Variants in RAB18 observed in about 807,000 individuals in gnomAD.
RAB18 encodes the protein ras-related protein Rab-18.
A neutral mutation model predicts 28.5 loss-of-function variants in RAB18; 10 were observed. The observed-to-expected ratio is 0.35, with a 90% CI of 0.22 to 0.60. The LOEUF (loss-of-function observed/expected upper bound fraction) is 0.60. RAB18 is among the 20% of genes least tolerant of loss of function. The probability of loss-of-function intolerance (pLI) is 0.78; values close to 1 mark genes in which losing one functional copy is unlikely to be tolerated. For missense variants in RAB18, 188 were observed against 244.2 expected, an observed-to-expected ratio of 0.77 and a Z score of 1.53; for synonymous variants, 93 against 86.9, an observed-to-expected ratio of 1.07 and a Z score of -0.39.
intron 2 of RAB18, among the ~76,000 whole-genome samples, chr10:27,523,374 A>G (rs994671430): frequency 7.2e-6 from 1 of 138,480 alleles, no homozygotes; most frequent in Non-Finnish European, 1.5e-5. Flanking sequence ...TCTCAGATAT[A>G]TTTTCCCCCC....
chr10:27,532,825 T>A lies in RAB18; in HGVS notation c.259+246T>A, dbSNP rs187087583. On this transcript the variant is annotated intron_variant, in intron 4 of 6. Transcript: ENST00000356940. ...AAAACACATGTCAATGAGAACGTAA[T>A]TGAGGATTAATCAGCATATGTTGGA... is the stretch of plus-strand genomic sequence containing the variant. 2.6e-5 allele frequency among the ~76,000 whole-genome samples: 4 copies of A among 152,104 alleles called. No homozygotes were observed. In the South Asian group the frequency reaches 6.2e-4, roughly 24 times the overall value.
At chr10:27,532,740 CT>C (rs1306016671) in intron 4 of RAB18, among the ~76,000 whole-genome samples, 161 bp downstream of exon 4, 1 of 151,860 alleles carries the variant, frequency 6.6e-6, no homozygotes, top group Non-Finnish European at 1.5e-5. Context: ...AATATTAAAA[CT>C]TTTGATTTTA....
intron 2 of RAB18, 114 bp downstream of exon 2, chr10:27,510,044 G>A: frequency 1.2e-6 from 1 of 807,346 alleles, no homozygotes; most frequent in Non-Finnish European, 2.1e-6. Context: ...CATGTCTGTT[G>A]AAATCTTATT....
chr10:27,534,373 C>T (rs544005698), intron 6 of RAB18, among the ~76,000 whole-genome samples: 7 of 152,330 alleles, frequency 4.6e-5, no homozygotes, highest in African/African-American at 9.6e-5. Context: ...TTAGAATCTG[C>T]ATTTTAACAA....
At position 27,537,980 on chromosome 10, in the gene RAB18, G is replaced by C. The variant is rs748661537; in HGVS notation, c.550G>C (p.Gly184Arg). The C allele has an allele frequency of 1.2e-6, 2 of 1,613,998 alleles. No homozygotes were observed. Among genetic ancestry groups the C allele is most frequent in the South Asian group, 2.2e-5 (2 of 91,082 alleles). ...GTGGGAAAGTGAGAACCAGAATAAAGGAGTCAAACTGTCACACAGGGAAGA... is the reference window on the plus strand; with the variant it reads ...GTGGGAAAGTGAGAACCAGAATAAACGAGTCAAACTGTCACACAGGGAAGA... ...GLWESENQNK[G>R]VKLSHREEGQ... The change falls in exon 7 of 7, where the codon GGA becomes CGA. Residue 184 changes from glycine to arginine, a missense_variant. Gly to Arg is a moderately radical substitution (Grantham distance 125, BLOSUM62 -2). Transcript: ENST00000356940.
intron 2 of RAB18, among the ~76,000 whole-genome samples, chr10:27,524,191 A>G (rs1270190513): frequency 6.6e-6 from 1 of 152,176 alleles, no homozygotes; most frequent in Non-Finnish European, 1.5e-5. Flanking sequence ...TAGCCTCTCA[A>G]AGTGTTGGAA....
At position 27,510,259 on chromosome 10, in the gene RAB18, C is replaced by G. The variant is rs144266433; in HGVS notation, c.124+329C>G. ...CAGTTATTTGAATACTTATTGTATG[C>G]CAGGGACTGCTACTAAGAGGAGGGG... is the stretch of plus-strand genomic sequence containing the variant. On this transcript the variant is annotated intron_variant, in intron 2 of 6. Coordinates refer to ENST00000356940, the MANE Select transcript of RAB18 (RefSeq NM_021252.5). The G allele has an allele frequency of 4.4e-4, 151 of 346,664 alleles. 7 individuals are homozygous for G. In the East Asian group the frequency reaches 0.01, roughly 24 times the overall value. 21.5% of individuals were successfully genotyped at this position (346,664 alleles called of 1,614,324 possible).
intron 2 of RAB18, among the ~76,000 whole-genome samples, chr10:27,523,907 G>A (rs1002088836): frequency 2.6e-5 from 4 of 151,554 alleles, no homozygotes; most frequent in Non-Finnish European, 5.9e-5. Context: ...GTGAAACCTC[G>A]TCTTTACTAA....
intron 2 of RAB18, among the ~76,000 whole-genome samples, chr10:27,524,982 A>G (rs1032956977): frequency 4.6e-5 from 7 of 152,206 alleles, no homozygotes; most frequent in African/African-American, 1.7e-4. Flanking sequence ...TCTCCTGTGG[A>G]TGGGTATTGG....
In RAB18 at chr10:27,539,428, A is replaced by G. The variant is rs1207479728; in HGVS notation, c.*1377A>G. ...TACTTCATGTTGGGTTCTTTCTGAA[A>G]TGTACATCTTTACATATAAAAACCT... is the stretch of plus-strand genomic sequence containing the variant. On this transcript the variant is annotated 3_prime_UTR_variant, in exon 7 of 7. Transcript: ENST00000356940. The G allele has an allele frequency of 6.7e-6, 2 of 299,460 alleles. No individual in the cohort carries two copies. The highest frequency in any genetic ancestry group is 4.5e-5 in the African/African-American group (2 of 44,598). 18.6% of individuals were successfully genotyped at this position (299,460 alleles called of 1,614,324 possible). A position where few individuals can be genotyped will look rare whatever the true frequency, so the allele number is the denominator to read the frequency against.
chr10:27,516,231 A>G (rs915295049), intron 2 of RAB18, among the ~76,000 whole-genome samples: 8 of 152,156 alleles, frequency 5.3e-5, no homozygotes, highest in African/African-American at 1.9e-4. Context: ...GGATACTTTG[A>G]ATTTTCAGTT....
chr10:27,504,735 CGGA>C (rs1837769355), intron 1 of RAB18: 2 of 640,548 alleles, frequency 3.1e-6, no homozygotes, highest in Non-Finnish European at 5.9e-6. Context: ...GTTTGCTGCG[CGGA>C]GCTCAGGGCG....
intron 2 of RAB18, among the ~76,000 whole-genome samples, chr10:27,525,247 G>C (rs1304499901): frequency 2.0e-5 from 3 of 151,988 alleles, no homozygotes; most frequent in African/African-American, 7.3e-5. Flanking sequence ...CATGTATCTG[G>C]GATTATTAAG....
chr10:27,510,129 C>T, intron 2 of RAB18, 199 bp downstream of exon 2: 1 of 601,766 alleles, frequency 1.7e-6, no homozygotes, highest in Non-Finnish European at 3.0e-6. Context: ...AAAATAACTT[C>T]CTTATCTGTT....
intron 6 of RAB18, among the ~76,000 whole-genome samples, chr10:27,536,471 G>A (rs1834902580): frequency 6.6e-6 from 1 of 152,170 alleles, no homozygotes; most frequent in Non-Finnish European, 1.5e-5. Flanking sequence ...CTTGAGCCTG[G>A]GAGGCCAGGG....
intron 3 of RAB18, among the ~76,000 whole-genome samples, chr10:27,531,173 T>A (rs1320982424): frequency 6.6e-6 from 1 of 151,978 alleles, no homozygotes; most frequent in African/African-American, 2.4e-5. Flanking sequence ...CATGGCAGGG[T>A]GGGGATTAGT....
At chr10:27,525,928 A>G (rs547739265) in intron 2 of RAB18, among the ~76,000 whole-genome samples, 3 of 152,256 alleles carry the variant, frequency 2.0e-5, no homozygotes, top group Admixed American at 6.5e-5. Context: ...AGCTAATAAG[A>G]TATTTTGAAA....
rs1056970903 is a variant in RAB18, at chr10:27,541,421, A to T, written c.*3370A>T. 6.6e-5 allele frequency: 30 copies of T among 452,508 alleles called. No individual in the cohort carries two copies. The highest frequency in any genetic ancestry group is 1.3e-4 in the Non-Finnish European group (29 of 226,580). The allele number at this position is 452,508 out of a possible 1,614,324, so 28.0% of individuals were successfully genotyped here. On this transcript the variant is annotated 3_prime_UTR_variant, in exon 7 of 7. Coordinates refer to ENST00000356940, the MANE Select transcript of RAB18 (RefSeq NM_021252.5). The stretch of plus-strand genomic sequence containing the variant: ...TGGAGGACTACTGTGATGGGGCTTT[A>T]CATTTTACTGTTTTGTTGCTAGCTT...
intron 6 of RAB18, among the ~76,000 whole-genome samples, chr10:27,537,055 G>A (rs148893558): frequency 3.3e-5 from 5 of 152,308 alleles, no homozygotes; most frequent in Non-Finnish European, 4.4e-5. Context: ...TAGAGAGAGC[G>A]TTTGGTCCTT....
Sources: gnomAD v4.1 joint callset for allele counts (sites outside exome capture counted in the v4.1 genomes callset) on GRCh38, gnomAD v4.1.1 for gene constraint, MANE v1.5 for transcripts, NCBI Gene and HGNC (gene_info 2026-07-23, HGNC 2026-07-21) for gene names.